Variants in CLGN observed in about 807,000 individuals in gnomAD.
CLGN encodes the protein testis tissue sperm-binding protein Li 79P.
In CLGN, 62 loss-of-function variants were observed where a neutral mutation model predicts 79.1. The observed-to-expected ratio is 0.78, with a 90% CI of 0.64 to 0.97. The LOEUF is 0.97. Among genes scored for constraint, CLGN ranks in the 50% least tolerant of loss-of-function variants. The probability of loss-of-function intolerance (pLI) is 0.00; values close to 1 mark genes in which losing one functional copy is unlikely to be tolerated. For synonymous variants in CLGN, 225 were observed against 224.7 expected (o/e 1.00, Z -0.01); for missense variants, 647 against 715.5 (o/e 0.90, Z 1.09).
chr4:140,397,276 G>A (rs1728908790), intron 8 of CLGN, among the ~76,000 whole-genome samples: 1 of 152,150 alleles, frequency 6.6e-6, no homozygotes, highest in South Asian at 2.1e-4. Context: ...TTCTGCCCAT[G>A]TGGTAGGTGA....
At chr4:140,426,196 G>A (rs936791529) in intron 1 of CLGN, among the ~76,000 whole-genome samples, 4 of 152,128 alleles carry the variant, frequency 2.6e-5, no homozygotes, top group African/African-American at 9.7e-5. Context: ...TTATTAAAAA[G>A]ACAAGTGATA....
intron 1 of CLGN, among the ~76,000 whole-genome samples, chr4:140,422,860 G>A (rs1175717676): frequency 2.6e-5 from 4 of 152,040 alleles, no homozygotes; most frequent in Non-Finnish European, 4.4e-5. Flanking sequence ...CAACTGATCT[G>A]GCTACCTTGG....
chr4:140,395,724 A>T, intron 10 of CLGN, 95 bp downstream of exon 10: 1 of 1,081,400 alleles, frequency 9.2e-7, no homozygotes, highest in Admixed American at 3.1e-5. Context: ...TTAAAAATGA[A>T]ACTTCCAAAA....
chr4:140,415,630 C>G lies in CLGN; in HGVS notation c.-9-2543G>C, dbSNP rs1431773041. ...GGCCATTACATAATGGTAAAGGGAT[C>G]AATTCAACAAGGAGAGCTAACTATC... On this transcript the variant is annotated intron_variant, in intron 1 of 14. Coordinates refer to ENST00000325617, the MANE Select transcript of CLGN (RefSeq NM_004362.3). Among the ~76,000 whole-genome samples the G allele has an allele frequency of 2.2e-3, 325 of 150,354 alleles. 4 individuals are homozygous for G. The highest frequency in any genetic ancestry group is 5.7e-4 in the Non-Finnish European group (38 of 66,874).
intron 10 of CLGN, among the ~76,000 whole-genome samples, chr4:140,395,435 C>T (rs546730634): frequency 2.6e-5 from 4 of 152,126 alleles, no homozygotes; most frequent in South Asian, 4.2e-4. Context: ...CATGAGCCAC[C>T]GTACCTGGCC....
chr4:140,392,550 G>A lies in CLGN; in HGVS notation c.1491+36C>T, dbSNP rs1042229409. The A allele has an allele frequency of 3.2e-6, 5 of 1,562,342 alleles. No homozygotes were observed. The East Asian group carries it at 1.1e-4, about 36-fold the overall frequency. Reference sequence around the variant, plus strand: ...AGAACTCTTAAACAACAAGAAATTTGGGTGAAAAAAGTTGAAGGAAATCCA... The same window carrying A: ...AGAACTCTTAAACAACAAGAAATTTAGGTGAAAAAAGTTGAAGGAAATCCA... On this transcript the variant is annotated intron_variant, in intron 12 of 14. Transcript: ENST00000325617.
At chr4:140,426,963 G>A (rs1270785681) in intron 1 of CLGN, among the ~76,000 whole-genome samples, 1 of 152,222 alleles carries the variant, frequency 6.6e-6, no homozygotes, top group Non-Finnish European at 1.5e-5. Context: ...TGGCCCCACC[G>A]CCGTGAAGTG....
At chr4:140,391,059 A>G (rs1242985830) in intron 13 of CLGN, among the ~76,000 whole-genome samples, 1 of 151,654 alleles carries the variant, frequency 6.6e-6, no homozygotes, top group African/African-American at 2.4e-5. Context: ...TTAATCTTCA[A>G]TATGTTATTT....
chr4:140,406,140 A>G lies in CLGN; in HGVS notation c.278-57T>C. 2.0e-6 allele frequency: 3 copies of G among 1,526,650 alleles called. No homozygotes were observed. The South Asian group carries it at 3.6e-5, about 18-fold the overall frequency. The allele number at this position is 1,526,650 out of a possible 1,614,324, so 94.6% of individuals were successfully genotyped here. On this transcript the variant is annotated intron_variant, in intron 4 of 14. Coordinates refer to ENST00000325617, the MANE Select transcript of CLGN (RefSeq NM_004362.3). ...AACAGAAAACATTGACCTAAGAATT[A>G]TTTATCAGCAGTTGTGAACAATAAT...
At chr4:140,402,532 A>G (rs912268897) in intron 5 of CLGN, among the ~76,000 whole-genome samples, 3 of 152,162 alleles carry the variant, frequency 2.0e-5, no homozygotes, top group Admixed American at 1.3e-4. Context: ...TTACCATGTT[A>G]AATAAGTTGT....
intron 12 of CLGN, 92 bp downstream of exon 12, chr4:140,392,494 G>A (rs1728793543): frequency 6.7e-7 from 1 of 1,494,156 alleles, no homozygotes. Flanking sequence ...GAGACATTTA[G>A]TTTATTACTT....
At chr4:140,412,076 C>T (rs1729222004) in intron 2 of CLGN, among the ~76,000 whole-genome samples, 2 of 151,982 alleles carry the variant, frequency 1.3e-5, no homozygotes, top group African/African-American at 4.8e-5. Flanking sequence ...TATTAGTACT[C>T]GGAGTACTTA....
At chr4:140,393,199 A>G (rs1376545616) in intron 11 of CLGN, among the ~76,000 whole-genome samples, 2 of 152,096 alleles carry the variant, frequency 1.3e-5, no homozygotes, top group African/African-American at 4.8e-5. Flanking sequence ...AATTTAAAAA[A>G]TCAAATGTTT....
At chr4:140,423,439 G>T (rs188929281) in intron 1 of CLGN, among the ~76,000 whole-genome samples, 27 of 152,296 alleles carry the variant, frequency 1.8e-4, no homozygotes, top group African/African-American at 5.8e-4. Flanking sequence ...TTGTTGTCAA[G>T]TATTTTGTTA....
intron 1 of CLGN, among the ~76,000 whole-genome samples, chr4:140,414,497 G>A (rs1403736391): frequency 1.3e-5 from 2 of 151,344 alleles, no homozygotes. Context: ...ATACAGAGAA[G>A]TGCTTAAAGG....
chr4:140,404,603 G>A (rs1729063432), intron 5 of CLGN, among the ~76,000 whole-genome samples: 1 of 151,656 alleles, frequency 6.6e-6, no homozygotes, highest in South Asian at 2.1e-4. Context: ...CCTTTGAATT[G>A]TTTTTAAACA....
chr4:140,408,860 CATATATAT>C (rs112593782), intron 4 of CLGN, among the ~76,000 whole-genome samples: 13,319 of 138,388 alleles, frequency 0.096, 972 homozygotes, highest in African/African-American at 0.21. Context: ...AGTTGATAAG[CATATATAT>C]ATATATATAT....
At chr4:140,424,871 T>C (rs2126636688) in intron 1 of CLGN, among the ~76,000 whole-genome samples, 1 of 152,322 alleles carries the variant, frequency 6.6e-6, no homozygotes. Flanking sequence ...CACAAGTAAC[T>C]TTATCCATGA....
chr4:140,412,455 C>T (rs1729231227), intron 2 of CLGN, among the ~76,000 whole-genome samples: 1 of 152,158 alleles, frequency 6.6e-6, no homozygotes, highest in African/African-American at 2.4e-5. Context: ...TTTAACAATG[C>T]TGAGAGAAAC....
Sources: gnomAD v4.1 joint callset for allele counts (sites outside exome capture counted in the v4.1 genomes callset) on GRCh38, gnomAD v4.1.1 for gene constraint, MANE v1.5 for transcripts, NCBI Gene and HGNC (gene_info 2026-07-23, HGNC 2026-07-21) for gene names.